The following TAF3 variants were observed in gnomAD, a reference collection of about 807,000 sequenced individuals.
The protein encoded by TAF3 is transcription initiation factor TFIID subunit 3.
TAF3 carries 7 observed loss-of-function variants against 80.6 expected under a neutral mutation model. The ratio of observed to expected loss-of-function variants is 0.09; its 90% CI spans 0.05 to 0.16. The LOEUF (loss-of-function observed/expected upper bound fraction) is 0.16, where lower values mean the gene tolerates loss of function less well. TAF3 is among the 10% of genes least tolerant of loss of function. The probability of loss-of-function intolerance (pLI) is 1.00; values close to 1 mark genes in which losing one functional copy is unlikely to be tolerated. For missense variants in TAF3, 921 were observed against 1,140.2 expected (o/e 0.81, Z 2.77); for synonymous variants, 444 against 446.1 (o/e 1.00, Z 0.06).
chr10:7,925,951 T>C (rs749461014), intron 2 of TAF3, among the ~76,000 whole-genome samples: 52 of 152,300 alleles, frequency 3.4e-4, no homozygotes, highest in Non-Finnish European at 6.2e-4. Flanking sequence ...CAGTGGCTCA[T>C]GCCTGTAATC....
chr10:8,012,159 CAG>C (rs1832062256), intron 5 of TAF3, among the ~76,000 whole-genome samples: 1 of 152,140 alleles, frequency 6.6e-6, no homozygotes, highest in African/African-American at 2.4e-5. Context: ...GCCTGGGTGA[CAG>C]AGTGAAACCC....
intron 2 of TAF3, among the ~76,000 whole-genome samples, chr10:7,946,596 G>T (rs1390261588): frequency 6.6e-6 from 1 of 152,158 alleles, no homozygotes; most frequent in African/African-American, 2.4e-5. Context: ...AGTAGCACAT[G>T]TCCTTGGTCC....
At position 7,818,829 on chromosome 10, in the gene TAF3, C is replaced by G; in HGVS notation, c.120C>G (p.Arg40=). ...ACHLLTDVLQ[R]YLQQLGRGCH... ...ACCTCCTCACGGACGTGCTGCAGCG[C>G]TATCTGCAGCAGCTGGGCCGGGGCT... is the stretch of plus-strand genomic sequence containing the variant. The change falls in exon 1 of 7, where the codon CGC becomes CGG. Residue 40 remains arginine, a synonymous_variant. Coordinates refer to ENST00000344293, the MANE Select transcript of TAF3 (RefSeq NM_031923.4). 1 of 1,554,442 alleles carries G rather than the reference C, an allele frequency of 6.4e-7. No homozygotes were observed.
intron 2 of TAF3, among the ~76,000 whole-genome samples, chr10:7,924,905 G>T (rs1383248499): frequency 6.6e-6 from 1 of 152,098 alleles, no homozygotes; most frequent in East Asian, 1.9e-4. Flanking sequence ...AGTATAGATG[G>T]CTAAGGGTTC....
chr10:7,965,598 G>A lies in TAF3; in HGVS notation c.2088G>A (p.Val696=), dbSNP rs746172251. ...PEKLFEEKEK[V]KEKEKKKDKK... is the part of the protein sequence containing the mutation. ...AACTGTTTGAGGAGAAAGAGAAGGTGAAGGAGAAAGAAAAGAAAAAGGACA... is the reference window on the plus strand; with the variant it reads ...AACTGTTTGAGGAGAAAGAGAAGGTAAAGGAGAAAGAAAAGAAAAAGGACA... The change falls in exon 3 of 7, where the codon GTG becomes GTA. Residue 696 remains valine, a synonymous_variant. Transcript: ENST00000344293. The A allele has an allele frequency of 1.3e-6, 2 of 1,596,228 alleles. No individual in the cohort carries two copies. The highest frequency in any genetic ancestry group is 2.3e-5 in the South Asian group (2 of 86,730).
intron 2 of TAF3, among the ~76,000 whole-genome samples, chr10:7,841,713 T>C (rs952311468): frequency 2.2e-4 from 34 of 152,268 alleles, no homozygotes; most frequent in Admixed American, 1.4e-3. Context: ...AGATAAATTG[T>C]AGAGGATGTG....
chr10:7,991,592 T>A (rs1180279260), intron 4 of TAF3, among the ~76,000 whole-genome samples: 1 of 152,128 alleles, frequency 6.6e-6, no homozygotes, highest in Non-Finnish European at 1.5e-5. Context: ...TGATATAGAT[T>A]TATACACATA....
chr10:7,836,247 C>G (rs976306854), intron 2 of TAF3, among the ~76,000 whole-genome samples: 1 of 152,066 alleles, frequency 6.6e-6, no homozygotes, highest in Non-Finnish European at 1.5e-5. Flanking sequence ...CTCTCAGACC[C>G]TGCAACCAGT....
chr10:7,966,888 T>G (rs964626809), intron 3 of TAF3, among the ~76,000 whole-genome samples: 4 of 152,252 alleles, frequency 2.6e-5, no homozygotes, highest in African/African-American at 9.6e-5. Context: ...ATGGGAATTC[T>G]GATATCAATA....
chr10:7,924,700 TGAAAAA>T (rs1308429758), intron 2 of TAF3, among the ~76,000 whole-genome samples: 1 of 151,988 alleles, frequency 6.6e-6, no homozygotes, highest in Non-Finnish European at 1.5e-5. Context: ...ACAGAAAAAT[TGAAAAA>T]GAAAAACGCT....
intron 2 of TAF3, among the ~76,000 whole-genome samples, chr10:7,874,273 C>T (rs148856076): frequency 6.6e-6 from 1 of 152,106 alleles, no homozygotes; most frequent in African/African-American, 2.4e-5. Flanking sequence ...TAAACTTGTA[C>T]TGATGAAGTT....
chr10:7,860,804 CT>C lies in TAF3; in HGVS notation c.409+36257del, dbSNP rs371068019. ...CTTTTCTTTCTTTCTTTCTTTCTTT[CT>C]TTTTTTTTTTTTGAAATAGAGTCTC... is the stretch of plus-strand genomic sequence containing the variant. On this transcript the variant is annotated intron_variant, in intron 2 of 6. Coordinates refer to ENST00000344293, the MANE Select transcript of TAF3 (RefSeq NM_031923.4). Among the ~76,000 whole-genome samples, 897 of 118,882 alleles carry C rather than the reference CT, an allele frequency of 7.5e-3. 6 individuals are homozygous for C. Among genetic ancestry groups the C allele is most frequent in the Middle Eastern group, 0.037 (9 of 244 alleles). 78.0% of individuals were successfully genotyped at this position (118,882 alleles called of 152,430 possible).
chr10:7,871,392 A>G (rs1043444941), intron 2 of TAF3, among the ~76,000 whole-genome samples: 11 of 148,180 alleles, frequency 7.4e-5, no homozygotes, highest in African/African-American at 2.7e-4. Flanking sequence ...ATAAATTGAT[A>G]GTAAATTTTC....
At chr10:7,925,216 A>G (rs937423440) in intron 2 of TAF3, among the ~76,000 whole-genome samples, 1 of 152,140 alleles carries the variant, frequency 6.6e-6, no homozygotes, top group Non-Finnish European at 1.5e-5. Flanking sequence ...TTAAATAACT[A>G]TGTTCATTAC....
chr10:7,973,812 A>T (rs1339909001), intron 3 of TAF3, among the ~76,000 whole-genome samples: 3 of 152,192 alleles, frequency 2.0e-5, no homozygotes, highest in Admixed American at 6.5e-5. Flanking sequence ...ATTTGTTTAG[A>T]TATAAAACTC....
chr10:7,969,754 C>T (rs1024337150), intron 3 of TAF3, among the ~76,000 whole-genome samples: 2 of 152,188 alleles, frequency 1.3e-5, no homozygotes, highest in African/African-American at 4.8e-5. Context: ...AAAATGCTGA[C>T]ATCACCCACC....
chr10:7,959,153 CACACACACACAA>C (rs762753232), intron 2 of TAF3, among the ~76,000 whole-genome samples: 1 of 139,404 alleles, frequency 7.2e-6, no homozygotes, highest in Non-Finnish European at 1.6e-5. Context: ...CACACACACA[CACACACACACAA>C]AAAAAGTTTC....
At chr10:7,972,379 G>A (rs1478023200) in intron 3 of TAF3, among the ~76,000 whole-genome samples, 2 of 152,140 alleles carry the variant, frequency 1.3e-5, no homozygotes, top group African/African-American at 2.4e-5. Flanking sequence ...ATTTTCTCAA[G>A]TTAAATCTAA....
In TAF3 at chr10:7,991,162, GATAC is replaced by G. The variant is rs1240509959; in HGVS notation, c.2315+13847_2315+13850del. Among the ~76,000 whole-genome samples, 7 of 152,046 alleles carry G rather than the reference GATAC, an allele frequency of 4.6e-5. No individual in the cohort carries two copies. In the East Asian group the frequency reaches 9.6e-4, roughly 21 times the overall value. On this transcript the variant is annotated intron_variant, in intron 4 of 6. Coordinates refer to ENST00000344293, the MANE Select transcript of TAF3 (RefSeq NM_031923.4). Reference sequence around the variant, plus strand: ...TTTTGGAAACTTTCTTATGTACATAGATACATACATATATATGTATAGATACACA... The same window carrying G: ...TTTTGGAAACTTTCTTATGTACATAGATACATATATATGTATAGATACACA...
Sources: allele counts gnomAD v4.1 joint callset (sites outside exome capture counted in the v4.1 genomes callset), GRCh38; gene constraint gnomAD v4.1.1; transcripts MANE v1.5; gene names NCBI Gene and HGNC (gene_info 2026-07-23, HGNC 2026-07-21).